RAP1GAP2: variants seen among roughly 807,000 people sequenced by gnomAD.
The protein encoded by RAP1GAP2 is rap1 GTPase-activating protein 2.
RAP1GAP2 carries 27 observed loss-of-function variants against 95.0 expected under a neutral mutation model. That is an observed-to-expected ratio of 0.28 (90% CI 0.21 to 0.39). RAP1GAP2 has a LOEUF of 0.39. Among genes scored for constraint, RAP1GAP2 ranks in the 10% least tolerant of loss-of-function variants. The probability of loss-of-function intolerance (pLI) is 1.00; values close to 1 mark genes in which losing one functional copy is unlikely to be tolerated. For synonymous variants in RAP1GAP2, 373 were observed against 380.9 expected, an observed-to-expected ratio of 0.98 and a Z score of 0.24; for missense variants, 771 against 970.0, an observed-to-expected ratio of 0.79 and a Z score of 2.72.
At chr17:2,984,360 C>A (rs2045479018) in intron 10 of RAP1GAP2, among the ~76,000 whole-genome samples, 2 of 152,058 alleles carry the variant, frequency 1.3e-5, no homozygotes, top group South Asian at 4.1e-4. Flanking sequence ...AAAACAAAAA[C>A]AACAAAACCC....
chr17:2,927,352 A>T (rs559593073), intron 3 of RAP1GAP2, among the ~76,000 whole-genome samples: 307 of 151,804 alleles, frequency 2.0e-3, no homozygotes, highest in Admixed American at 3.9e-3. Flanking sequence ...ACGGGGTTTC[A>T]CCGTGTTAGC....
intron 7 of RAP1GAP2, chr17:2,964,703 A>G (rs879510246): frequency 6.5e-6 from 1 of 153,112 alleles, no homozygotes; most frequent in Non-Finnish European, 1.5e-5. Context: ...TTCCATCTAA[A>G]TCACGCAAAT....
rs541427997 is a variant in RAP1GAP2, at chr17:2,809,507, C to T, written c.80+8957C>T. On this transcript the variant is annotated intron_variant, in intron 2 of 24. Coordinates refer to ENST00000254695, the MANE Select transcript of RAP1GAP2 (RefSeq NM_015085.5). ...GCCGAGACCCAACCATCCCCGGAGGCCCCCCTCACCCCTCTCAGCTCCCCG... is the reference window on the plus strand; with the variant it reads ...GCCGAGACCCAACCATCCCCGGAGGTCCCCCTCACCCCTCTCAGCTCCCCG... Among the ~76,000 whole-genome samples, 343 of 152,186 alleles carry T rather than the reference C, an allele frequency of 2.3e-3. 1 individual carries two copies. Among genetic ancestry groups the T allele is most frequent in the Non-Finnish European group, 3.4e-3 (228 of 67,982 alleles).
chr17:2,982,264 A>G (rs2045390052), intron 10 of RAP1GAP2, among the ~76,000 whole-genome samples: 2 of 152,134 alleles, frequency 1.3e-5, no homozygotes, highest in South Asian at 2.1e-4. Context: ...TCAGCCTCCC[A>G]AGTAGCTGGG....
intron 2 of RAP1GAP2, among the ~76,000 whole-genome samples, chr17:2,830,164 C>A (rs2070761275): frequency 6.6e-6 from 1 of 152,180 alleles, no homozygotes; most frequent in Non-Finnish European, 1.5e-5. Context: ...GTAATCCCAG[C>A]ACTTTGGGAG....
Position 2,981,245 on chromosome 17 carries a change from C to T in RAP1GAP2, c.726C>T (p.Pro242=). The part of the protein sequence containing the change: ...VGLRFNPVLY[P]KASQMIVSYD... ...TGAGATTCAATCCTGTCCTGTACCC[C>T]AAGGTAAGGACCTTCATGCTCCCAA... Residue 242 remains proline (P), a synonymous_variant, in exon 10 of 25, where the codon CCC becomes CCT. Coordinates refer to ENST00000254695, the MANE Select transcript of RAP1GAP2 (RefSeq NM_015085.5). 6.2e-7 allele frequency: 1 copy of T among 1,609,932 alleles called. No homozygotes were observed. Among genetic ancestry groups the T allele is most frequent in the South Asian group, 1.1e-5 (1 of 90,178 alleles).
intron 2 of RAP1GAP2, among the ~76,000 whole-genome samples, chr17:2,837,731 T>C (rs1435601413): frequency 6.6e-6 from 1 of 151,462 alleles, no homozygotes; most frequent in Non-Finnish European, 1.5e-5. Context: ...CTCAGCCTCC[T>C]GAGTAGCTGG....
In RAP1GAP2 at chr17:2,855,027, A is replaced by T. The variant is rs1468846460; in HGVS notation, c.81-50257A>T. On this transcript the variant is annotated intron_variant, in intron 2 of 24. Coordinates refer to ENST00000254695, the MANE Select transcript of RAP1GAP2 (RefSeq NM_015085.5). The surrounding 1 kb of genome is among the most constrained non-coding windows in gnomAD (Gnocchi z 4.3). ...CACCCTATAAGACACGGGCAGTGGA[A>T]CCAGAGACACCTGGGGGTGACCAGC... Among the ~76,000 whole-genome samples the T allele has an allele frequency of 6.6e-6, 1 of 152,124 alleles. No individual in the cohort carries two copies. Among genetic ancestry groups the T allele is most frequent in the African/African-American group, 2.4e-5 (1 of 41,416 alleles).
chr17:3,031,899 CGAAT>C (rs2047320822), intron 23 of RAP1GAP2, among the ~76,000 whole-genome samples: 1 of 147,858 alleles, frequency 6.8e-6, no homozygotes, highest in East Asian at 2.3e-4. Flanking sequence ...TCCTGGGTCC[CGAAT>C]CCCTTCCTGA....
intron 1 of RAP1GAP2, among the ~76,000 whole-genome samples, chr17:2,785,762 T>C (rs186361815): frequency 1.3e-3 from 195 of 152,260 alleles, no homozygotes; most frequent in Non-Finnish European, 2.1e-3. Context: ...TTTAATCCGG[T>C]GTCTGAGGAG....
upstream of RAP1GAP2, among the ~76,000 whole-genome samples, chr17:2,776,857 G>A (rs976274152): frequency 1.3e-5 from 2 of 151,572 alleles, no homozygotes; most frequent in Non-Finnish European, 3.0e-5. Flanking sequence ...AGGAGGAGGA[G>A]GGGGCTGGGC....
At chr17:2,837,333 G>C (rs894258096) in intron 2 of RAP1GAP2, among the ~76,000 whole-genome samples, 1 of 151,894 alleles carries the variant, frequency 6.6e-6, no homozygotes, top group African/African-American at 2.4e-5. Flanking sequence ...GCTCAGGCTG[G>C]GTAGGTTGAG....
chr17:3,012,342 G>A (rs2046576596), intron 17 of RAP1GAP2, among the ~76,000 whole-genome samples: 1 of 151,956 alleles, frequency 6.6e-6, no homozygotes, highest in Non-Finnish European at 1.5e-5. Flanking sequence ...GTTTGGCTGG[G>A]CGCGGTGGCT....
chr17:2,965,875 G>A lies in RAP1GAP2; in HGVS notation c.596+232G>A, dbSNP rs138569977. ...GTCAGAGGGGCATCCAGGTCTCAAGGTCACCCAGACTGTACCCCTTCCTGC... is the reference window on the plus strand; with the variant it reads ...GTCAGAGGGGCATCCAGGTCTCAAGATCACCCAGACTGTACCCCTTCCTGC... On this transcript the variant is annotated intron_variant, in intron 8 of 24. Coordinates refer to ENST00000254695, the MANE Select transcript of RAP1GAP2 (RefSeq NM_015085.5). The surrounding 1 kb of genome is among the most constrained non-coding windows in gnomAD (Gnocchi z 4.7). 2.4e-3 allele frequency: 1,326 copies of A among 554,512 alleles called. 17 individuals carry two copies. Among genetic ancestry groups the A allele is most frequent in the African/African-American group, 0.023 (1,233 of 53,118 alleles). 34.3% of individuals were successfully genotyped at this position (554,512 alleles called of 1,614,324 possible). A position where few individuals can be genotyped will look rare whatever the true frequency, so the allele number is the denominator to read the frequency against.
chr17:2,951,381 G>A (rs1402607170), intron 3 of RAP1GAP2, among the ~76,000 whole-genome samples: 2 of 152,190 alleles, frequency 1.3e-5, no homozygotes, highest in African/African-American at 4.8e-5. Flanking sequence ...TTGACATTTT[G>A]GTTTTAAGAT....
intron 3 of RAP1GAP2, among the ~76,000 whole-genome samples, chr17:2,918,245 C>T (rs1330081984): frequency 1.3e-5 from 2 of 151,322 alleles, no homozygotes; most frequent in Non-Finnish European, 2.9e-5. Context: ...ACCAGCCTGG[C>T]CAATATGGTG....
chr17:2,931,299 TGTGTG>T (rs2151793350), intron 3 of RAP1GAP2, among the ~76,000 whole-genome samples: 1 of 151,752 alleles, frequency 6.6e-6, no homozygotes, highest in Non-Finnish European at 1.5e-5. Context: ...TGTGTGTGTG[TGTGTG>T]TGTGTGTGTT....
At chr17:2,774,017 C>A (rs1054755339), upstream of RAP1GAP2, among the ~76,000 whole-genome samples, 1 of 152,142 alleles carries the variant, frequency 6.6e-6, no homozygotes, top group Non-Finnish European at 1.5e-5. Context: ...CTCGGCCTCC[C>A]AAAGTGCTGG....
chr17:3,020,427 G>C (rs748113776), intron 18 of RAP1GAP2, 50 bp from the exon 19 acceptor site: 1 of 1,443,452 alleles, frequency 6.9e-7, no homozygotes, highest in South Asian at 1.2e-5. Context: ...GAGGGGATAG[G>C]AGATCGGTGT....
Sources: gnomAD v4.1 joint callset for allele counts (sites outside exome capture counted in the v4.1 genomes callset) on GRCh38, gnomAD v4.1.1 for gene constraint, Gnocchi (gnomAD v3.1) non-coding constraint, MANE v1.5 for transcripts, NCBI Gene and HGNC (gene_info 2026-07-23, HGNC 2026-07-21) for gene names.